C19orf18: variants seen among roughly 807,000 people sequenced by gnomAD.
C19orf18 encodes the protein uncharacterized protein C19orf18.
C19orf18 carries 21 observed loss-of-function variants against 23.3 expected under a neutral mutation model. That is an observed-to-expected ratio of 0.90 (90% CI 0.64 to 1.30). C19orf18 has a LOEUF of 1.30. Ranked by LOEUF, C19orf18 falls within the 50% of genes most tolerant of loss-of-function variation. C19orf18 has a pLI of 0.00. For synonymous variants in C19orf18, 96 were observed against 95.2 expected, an observed-to-expected ratio of 1.01 and a Z score of -0.05; for missense variants, 249 against 259.6, an observed-to-expected ratio of 0.96 and a Z score of 0.28.
At position 57,970,586 on chromosome 19, in the gene C19orf18, A is replaced by AT. The variant is rs879729462; in HGVS notation, c.268+1876dup. Among the ~76,000 whole-genome samples the AT allele has an allele frequency of 4.8e-3, 705 of 145,802 alleles. 3 individuals carry two copies. The highest frequency in any genetic ancestry group is 0.013 in the African/African-American group (526 of 40,004). Reference sequence around the variant, plus strand: ...AGTAAGGTAGACATCTTTCCATATAATTTTTTTTTTTTTGTTACAGAGTCT... The same window carrying AT: ...AGTAAGGTAGACATCTTTCCATATAATTTTTTTTTTTTTTGTTACAGAGTCT... On this transcript the variant is annotated intron_variant, in intron 3 of 5. Coordinates refer to ENST00000314391, the MANE Select transcript of C19orf18 (RefSeq NM_152474.5).
At chr19:57,970,711 C>A (rs554410804) in intron 3 of C19orf18, among the ~76,000 whole-genome samples, 16 of 119,390 alleles carry the variant, frequency 1.3e-4, no homozygotes, top group Non-Finnish European at 2.5e-4. Flanking sequence ...AGCTGGCCTC[C>A]ACCATGCCCA....
chr19:57,968,013 AAAAAAG>A (rs113330334), intron 3 of C19orf18, among the ~76,000 whole-genome samples: 11 of 150,786 alleles, frequency 7.3e-5, no homozygotes, highest in South Asian at 2.1e-4. Context: ...CCCTGTCTCA[AAAAAAG>A]AAAAAGAAAA....
intron 3 of C19orf18, among the ~76,000 whole-genome samples, chr19:57,968,338 C>A (rs979293969): frequency 6.6e-6 from 1 of 152,268 alleles, no homozygotes; most frequent in South Asian, 2.1e-4. Context: ...TTGGGGGACA[C>A]CAGCATTCAG....
rs1219610730 is a variant in C19orf18, at chr19:57,961,884, TTC to T, written c.372-335_372-334del. 4.3e-3 allele frequency among the ~76,000 whole-genome samples: 648 copies of T among 151,386 alleles called. 10 individuals carry two copies. The highest frequency in any genetic ancestry group is 0.014 in the African/African-American group (587 of 40,806). On this transcript the variant is annotated intron_variant, in intron 4 of 5. Transcript: ENST00000314391. Reference sequence around the variant, plus strand: ...CTTTCCATTCCTTTCTCTTCTCTTTTTCTTTCTCTTTTTTTTCCTTTTTCTTT... The same window carrying T: ...CTTTCCATTCCTTTCTCTTCTCTTTTTTTCTCTTTTTTTTCCTTTTTCTTT...
chr19:57,972,865 T>C (rs1228070311), intron 2 of C19orf18, among the ~76,000 whole-genome samples: 1 of 152,032 alleles, frequency 6.6e-6, no homozygotes, highest in Non-Finnish European at 1.5e-5. Flanking sequence ...TACGACCTCA[T>C]TAGAAGGTCA....
intron 3 of C19orf18, among the ~76,000 whole-genome samples, chr19:57,968,616 G>A (rs1195958667): frequency 6.6e-6 from 1 of 152,084 alleles, no homozygotes; most frequent in African/African-American, 2.4e-5. Context: ...CAGAGCTAGA[G>A]AAATATATGA....
chr19:57,964,067 GTTTT>G (rs1007899724), intron 4 of C19orf18, among the ~76,000 whole-genome samples: 1 of 151,536 alleles, frequency 6.6e-6, no homozygotes, highest in African/African-American at 2.4e-5. Flanking sequence ...AGGTGGTTTT[GTTTT>G]TTTTGTTTGT....
Position 57,974,328 on chromosome 19 carries a change from G to T in C19orf18, c.105C>A (p.Asn35Lys). ...PYADGLHPTGNITGLPGSKRS... is the reference protein window; with the variant it reads ...PYADGLHPTGKITGLPGSKRS... ...TGAAGCTACCTGGTAAGCCTGTTAT[G>T]TTTCCAGTGGGATGGAGTCCATCTG... Residue 35 changes from asparagine (N) to lysine (K), a missense_variant, in exon 1 of 6, where the codon AAC becomes AAA. Coordinates refer to ENST00000314391, the MANE Select transcript of C19orf18 (RefSeq NM_152474.5). 1 of 1,614,144 alleles carries T rather than the reference G, an allele frequency of 6.2e-7. No homozygotes were observed. The highest frequency in any genetic ancestry group is 8.5e-7 in the Non-Finnish European group (1 of 1,180,022).
At chr19:57,967,584 C>A (rs1455641552) in intron 3 of C19orf18, among the ~76,000 whole-genome samples, 1 of 152,092 alleles carries the variant, frequency 6.6e-6, no homozygotes, top group Non-Finnish European at 1.5e-5. Flanking sequence ...GAAACCCCAA[C>A]TCTACAAAAA....
At chr19:57,964,363 C>T (rs564720923) in intron 4 of C19orf18, among the ~76,000 whole-genome samples, 12 of 152,356 alleles carry the variant, frequency 7.9e-5, no homozygotes, top group Admixed American at 7.2e-4. Flanking sequence ...CTCACTACAA[C>T]TTCCACCTCC....
chr19:57,973,145 CAAAAAAA>C (rs61625681), intron 2 of C19orf18, among the ~76,000 whole-genome samples: 154 of 24,178 alleles, frequency 6.4e-3, no homozygotes, highest in African/African-American at 0.02. Flanking sequence ...GACTCCGTCT[CAAAAAAA>C]AAAAAAAAAA....
rs967710378 is a variant in C19orf18 at position 57,972,447 on chromosome 19, A to G, written c.268+16T>C. ...ATGTTGCGGGTCCACCCGCCCTCCC[A>G]GATCCCTTGGCTTACCTTTATTCCT... On this transcript the variant is annotated intron_variant, in intron 3 of 5. Coordinates refer to ENST00000314391, the MANE Select transcript of C19orf18 (RefSeq NM_152474.5). 3.1e-6 allele frequency: 5 copies of G among 1,613,742 alleles called. No homozygotes were observed. Among genetic ancestry groups the G allele is most frequent in the Non-Finnish European group, 3.4e-6 (4 of 1,179,664 alleles).
chr19:57,960,167 C>A (rs2123215746), intron 5 of C19orf18, among the ~76,000 whole-genome samples: 1 of 151,848 alleles, frequency 6.6e-6, no homozygotes, highest in East Asian at 1.9e-4. Flanking sequence ...TGGCTTATGC[C>A]TGTAATCCCA....
chr19:57,969,694 G>A (rs1049131284), intron 3 of C19orf18, among the ~76,000 whole-genome samples: 1 of 150,222 alleles, frequency 6.7e-6, no homozygotes, highest in African/African-American at 2.5e-5. Flanking sequence ...ATCACCTGAG[G>A]TCAGGAGTTT....
At chr19:57,965,812 T>C (rs549505300) in intron 4 of C19orf18, among the ~76,000 whole-genome samples, 7 of 152,244 alleles carry the variant, frequency 4.6e-5, no homozygotes, top group African/African-American at 1.4e-4. Flanking sequence ...GGGAGGATGC[T>C]AGCATCTCAA....
intron 2 of C19orf18, 59 bp downstream of exon 2, chr19:57,974,040 G>A: frequency 6.6e-7 from 1 of 1,521,950 alleles, no homozygotes; most frequent in Admixed American, 1.7e-5. Context: ...TCACATGGCA[G>A]ATAAGAGGAC....
chr19:57,972,353 A>C, intron 3 of C19orf18, 110 bp downstream of exon 3: 1 of 1,292,778 alleles, frequency 7.7e-7, no homozygotes, highest in Non-Finnish European at 1.1e-6. Context: ...ACATGAAGGC[A>C]CCACGTGTGC....
chr19:57,969,807 G>A (rs2072933497), intron 3 of C19orf18, among the ~76,000 whole-genome samples: 1 of 150,326 alleles, frequency 6.7e-6, no homozygotes, highest in African/African-American at 2.5e-5. Context: ...TCAGGAGGCT[G>A]AGGCAGGAGA....
chr19:57,967,141 G>C (rs1251909253), intron 3 of C19orf18, among the ~76,000 whole-genome samples: 2 of 151,862 alleles, frequency 1.3e-5, no homozygotes, highest in Non-Finnish European at 2.9e-5. Flanking sequence ...GCATCCAAGA[G>C]GTCACTAGAG....
Sources: allele counts gnomAD v4.1 joint callset (sites outside exome capture counted in the v4.1 genomes callset), GRCh38; gene constraint gnomAD v4.1.1; transcripts MANE v1.5; gene names NCBI Gene and HGNC (gene_info 2026-07-23, HGNC 2026-07-21).